The following AMY2A variants were observed in gnomAD, a reference collection of about 807,000 sequenced individuals.
AMY2A encodes pancreatic alpha-amylase.
In AMY2A, 16 loss-of-function variants were observed where a neutral mutation model predicts 43.0. That is an observed-to-expected ratio of 0.37 (90% CI 0.25 to 0.56). The LOEUF (loss-of-function observed/expected upper bound fraction) is 0.56, where lower values mean the gene tolerates loss of function less well. AMY2A is among the 20% of genes least tolerant of loss of function. The pLI is 0.77. For synonymous variants in AMY2A, 70 were observed against 144.6 expected (o/e 0.48, Z 3.70); for missense variants, 212 against 456.8 (o/e 0.46, Z 4.89).
chr1:103,619,378 T>A (rs1462859271), intron 3 of AMY2A, among the ~76,000 whole-genome samples, 176 bp from the exon 4 acceptor site: 3 of 150,724 alleles, frequency 2.0e-5, no homozygotes, highest in South Asian at 4.2e-4. Context: ...CTATTTTCTA[T>A]TAGAAAATAT....
In AMY2A at chr1:103,623,718, G is replaced by C. The variant is rs1441896316; in HGVS notation, c.1102-148G>C. 6.0e-6 allele frequency: 6 copies of C among 998,170 alleles called. No individual in the cohort carries two copies. In the Admixed American group the frequency reaches 1.1e-4, roughly 19 times the overall value. 61.8% of individuals were successfully genotyped at this position (998,170 alleles called of 1,614,324 possible). ...AGAGATGATGAAGACCCAGTAAAGGGCTATAAACATTAATGAAGGCATTGG... is the reference window on the plus strand; with the variant it reads ...AGAGATGATGAAGACCCAGTAAAGGCCTATAAACATTAATGAAGGCATTGG... On this transcript the variant is annotated intron_variant, in intron 7 of 9. Transcript: ENST00000414303.
chr1:103,617,291 T>C, upstream of AMY2A: 2 of 1,435,098 alleles, frequency 1.4e-6, no homozygotes, highest in Non-Finnish European at 1.9e-6. Flanking sequence ...GTTCTTTACC[T>C]GTTAGGATTA....
chr1:103,617,713 G>C, intron 1 of AMY2A, 105 bp downstream of exon 1: 1 of 1,578,604 alleles, frequency 6.3e-7, no homozygotes, highest in East Asian at 2.2e-5. Context: ...TCACAGGTAA[G>C]TATTCTAAGT....
chr1:103,618,004 G>T lies in AMY2A; in HGVS notation c.219G>T (p.Trp73Cys). Residue 73 changes from tryptophan to cysteine, a missense_variant, in exon 2 of 10, where the codon TGG (tryptophan) becomes TGT (cysteine). Around this residue, in one of 2 missense-constraint regions of AMY2A, gnomAD observed 199 missense variants for 210.6 expected, o/e 0.94. Coordinates refer to ENST00000414303, the MANE Select transcript of AMY2A (RefSeq NM_000699.4). ...NVAIYNPFRPWWERYQPVSYK... is the reference protein window; with the variant it reads ...NVAIYNPFRPCWERYQPVSYK... Reference sequence around the variant, plus strand: ...CAATTTACAACCCTTTCAGACCTTGGTGGGAAAGATACCAACCAGTTAGCT... The same window carrying T: ...CAATTTACAACCCTTTCAGACCTTGTTGGGAAAGATACCAACCAGTTAGCT... 1 of 1,600,532 alleles carries T rather than the reference G, an allele frequency of 6.2e-7. No homozygotes were observed.
In AMY2A at chr1:103,618,915, G is replaced by A. The variant is rs543952790; in HGVS notation, c.320G>A (p.Arg107His). 93 of 1,219,236 alleles carry A rather than the reference G, an allele frequency of 7.6e-5. 2 individuals are homozygous for A. The highest frequency in any genetic ancestry group is 6.5e-4 in the East Asian group (26 of 39,932). The allele number at this position is 1,219,236 out of a possible 1,614,324, so 75.5% of individuals were successfully genotyped here. A position where few individuals can be genotyped will look rare whatever the true frequency, so the allele number is the denominator to read the frequency against. ...AGTAGAAACTTTGTTTTCTAGGTTC[G>A]TATTTATGTGGATGCTGTAATTAAT... ...MVTRCNNVGVRIYVDAVINHM... is the reference protein window; with the variant it reads ...MVTRCNNVGVHIYVDAVINHM... The change falls in exon 3 of 10, where the codon CGT becomes CAT. Residue 107 changes from arginine (R) to histidine (H), a missense_variant. By Grantham distance (29) the Arg-to-His change is conservative. Transcript: ENST00000414303.
chr1:103,617,294 T>C (rs1653103246), upstream of AMY2A: 1 of 1,441,092 alleles, frequency 6.9e-7, no homozygotes, highest in Admixed American at 2.1e-5. Flanking sequence ...CTTTACCTGT[T>C]AGGATTATTA....
chr1:103,617,572 G>A lies in AMY2A; in HGVS notation c.132G>A (p.Glu44=). The part of the protein sequence containing the change: ...WRWVDIALEC[E]RYLAPKGFGG... ...GGGTTGATATTGCTCTTGAATGTGAGCGATATTTAGCTCCGAAGGGATTTG... is the reference window on the plus strand; with the variant it reads ...GGGTTGATATTGCTCTTGAATGTGAACGATATTTAGCTCCGAAGGGATTTG... The change falls in exon 1 of 10, where the codon GAG becomes GAA. Residue 44 remains glutamate (E), a synonymous_variant. Transcript: ENST00000414303. 2 of 1,600,906 alleles carry A rather than the reference G, an allele frequency of 1.2e-6. No individual in the cohort carries two copies. The highest frequency in any genetic ancestry group is 1.7e-6 in the Non-Finnish European group (2 of 1,170,884).
rs1246204154 is a variant in AMY2A at position 103,619,366 on chromosome 1, C to G, written c.514-188C>G. 2.0e-5 allele frequency among the ~76,000 whole-genome samples: 3 copies of G among 150,576 alleles called. No individual in the cohort carries two copies. The East Asian group carries it at 5.8e-4, about 29-fold the overall frequency. ...TCTCATCGACTTTATTTCCTAAATT[C>G]TCTATTTTCTATTAGAAAATATTTC... On this transcript the variant is annotated intron_variant, in intron 3 of 9. Coordinates refer to ENST00000414303, the MANE Select transcript of AMY2A (RefSeq NM_000699.4).
In AMY2A at chr1:103,618,070, A is replaced by G. The variant is rs201971373; in HGVS notation, c.285A>G (p.Arg95=). Residue 95 remains arginine, a synonymous_variant, in exon 2 of 10, where the codon AGA becomes AGG. Coordinates refer to ENST00000414303, the MANE Select transcript of AMY2A (RefSeq NM_000699.4). ...CTRSGNEDEF[R]NMVTRCNNVG... ...GATCTGGAAATGAAGATGAATTTAGAAACATGGTGACTAGATGTAACAATG... is the reference window on the plus strand; with the variant it reads ...GATCTGGAAATGAAGATGAATTTAGGAACATGGTGACTAGATGTAACAATG... The G allele has an allele frequency of 2.5e-5, 40 of 1,600,520 alleles. 4 individuals carry two copies. Among genetic ancestry groups the G allele is most frequent in the African/African-American group, 4.0e-5 (3 of 74,776 alleles).
rs530106569 is a variant in AMY2A, at chr1:103,617,515, G to A, written c.75G>A (p.Arg25=). The A allele has an allele frequency of 4.1e-5, 66 of 1,600,770 alleles. 5 individuals carry two copies. The highest frequency in any genetic ancestry group is 5.2e-5 in the Non-Finnish European group (61 of 1,170,802). ...ATTCCCCAAATACACAACAAGGACG[G>A]ACATCTATTGTTCATCTGTTTGAAT... is the stretch of plus-strand genomic sequence containing the variant. ...AQYSPNTQQG[R]TSIVHLFEWR... Residue 25 remains arginine (R), a synonymous_variant, in exon 1 of 10, where the codon CGG becomes CGA. Transcript: ENST00000414303.
At chr1:103,617,635 C>A (rs138672248) in intron 1 of AMY2A, 27 bp downstream of exon 1, 2 of 1,600,688 alleles carry the variant, frequency 1.2e-6, no homozygotes, top group East Asian at 2.2e-5. Context: ...GTATCAATTG[C>A]GGAATTCACT....
Position 103,618,991 on chromosome 1 carries a change from T to C in AMY2A, c.396T>C (p.Ser132=). 7.2e-7 allele frequency: 1 copy of C among 1,387,674 alleles called. No individual in the cohort carries two copies. The highest frequency in any genetic ancestry group is 9.7e-7 in the Non-Finnish European group (1 of 1,026,306). 86.0% of individuals were successfully genotyped at this position (1,387,674 alleles called of 1,614,324 possible). A position where few individuals can be genotyped will look rare whatever the true frequency, so the allele number is the denominator to read the frequency against. The stretch of plus-strand genomic sequence containing the variant: ...CAGGAACAAGCAGTACCTGTGGAAG[T>C]TACTTCAACCCTGGAAGTAGGGACT... ...VSAGTSSTCG[S]YFNPGSRDFP... is the part of the protein sequence containing the mutation. The change falls in exon 3 of 10, where the codon AGT becomes AGC. Residue 132 remains serine (S), a synonymous_variant. Coordinates refer to ENST00000414303, the MANE Select transcript of AMY2A (RefSeq NM_000699.4).
rs1416018703 is a variant in AMY2A, at chr1:103,617,612, G to T, written c.168+4G>T. 6.2e-7 allele frequency: 1 copy of T among 1,600,738 alleles called. No individual in the cohort carries two copies. Among genetic ancestry groups the T allele is most frequent in the Non-Finnish European group, 8.5e-7 (1 of 1,170,842 alleles). On this transcript the variant is annotated splice_donor_region_variant and intron_variant, in intron 1 of 9. Coordinates refer to ENST00000414303, the MANE Select transcript of AMY2A (RefSeq NM_000699.4). ...GAAGGGATTTGGAGGGGTTCAGGTG[G>T]GTATGATTCATAGTATCAATTGCGG...
Position 103,617,970 on chromosome 1 carries a change from A to T in AMY2A, c.185A>T (p.Glu62Val). 6.2e-7 allele frequency: 1 copy of T among 1,600,708 alleles called. No homozygotes were observed. The highest frequency in any genetic ancestry group is 8.5e-7 in the Non-Finnish European group (1 of 1,170,722). ...FGGVQVSPPN[E>V]NVAIYNPFRP... is the part of the protein sequence containing the mutation. ...AATTTGTAGGTCTCTCCACCAAATG[A>T]AAATGTTGCAATTTACAACCCTTTC... The change falls in exon 2 of 10, where the codon GAA (glutamate) becomes GTA (valine). Residue 62 changes from glutamate (E) to valine (V), a missense_variant. Physicochemically the swap from Glu to Val is moderately radical, Grantham distance 121 (BLOSUM62 -2). This residue lies in a region of AMY2A where 199 missense variants were observed against 210.6 expected (regional missense o/e 0.94). Transcript: ENST00000414303.
chr1:103,618,124 A>G, intron 2 of AMY2A, 24 bp downstream of exon 2: 4 of 1,588,994 alleles, frequency 2.5e-6, no homozygotes, highest in South Asian at 1.1e-5. Context: ...AGTTTCCTTT[A>G]AAAATAACAG....
At chr1:103,617,067 T>A, upstream of AMY2A, 1 of 966,860 alleles carries the variant, frequency 1.0e-6, no homozygotes, top group Non-Finnish European at 1.3e-6. Flanking sequence ...CCTGTAAAAG[T>A]ATTCATCCTT....
In AMY2A at chr1:103,618,252, T is replaced by C. The variant is rs1359892957; in HGVS notation, c.315+152T>C. 4 of 1,333,818 alleles carry C rather than the reference T, an allele frequency of 3.0e-6. 1 individual carries two copies. Among genetic ancestry groups the C allele is most frequent in the Non-Finnish European group, 2.0e-6 (2 of 993,596 alleles). The allele number at this position is 1,333,818 out of a possible 1,614,324, so 82.6% of individuals were successfully genotyped here. On this transcript the variant is annotated intron_variant, in intron 2 of 9. Transcript: ENST00000414303. ...ACTCAAAATTAACTGTTTATTTATG[T>C]TCAACTTTTGTGAATATTTGTGTGT...
rs1570667644 is a variant in AMY2A, at chr1:103,619,034, T to A, written c.439T>A (p.Ser147Thr). Residue 147 changes from serine (S) to threonine (T), a missense_variant, in exon 3 of 10, where the codon TCT (serine) becomes ACT (threonine). By Grantham distance (58) the Ser-to-Thr change is moderately conservative (BLOSUM62 1). Coordinates refer to ENST00000414303, the MANE Select transcript of AMY2A (RefSeq NM_000699.4). ...TAGGGACTTTCCAGCAGTCCCATATTCTGGATGGGATTTCAATGATGGTAA... is the reference window on the plus strand; with the variant it reads ...TAGGGACTTTCCAGCAGTCCCATATACTGGATGGGATTTCAATGATGGTAA... The part of the protein sequence containing the change: ...GSRDFPAVPY[S>T]GWDFNDGKCK... The A allele has an allele frequency of 7.7e-7, 1 of 1,296,482 alleles. No homozygotes were observed. Among genetic ancestry groups the A allele is most frequent in the East Asian group, 2.5e-5 (1 of 40,470 alleles). The allele number at this position is 1,296,482 out of a possible 1,614,324, so 80.3% of individuals were successfully genotyped here.
chr1:103,617,458 G>C lies in AMY2A; in HGVS notation c.18G>C (p.Leu6Phe), dbSNP rs768137304. 1 of 1,600,194 alleles carries C rather than the reference G, an allele frequency of 6.2e-7. No homozygotes were observed. Among genetic ancestry groups the C allele is most frequent in the South Asian group, 1.1e-5 (1 of 90,844 alleles). ...AAAGCAAAATGAAGTTCTTTCTGTT[G>C]CTTTTCACCATTGGGTTCTGCTGGG... is the stretch of plus-strand genomic sequence containing the variant. MKFFL[L>F]LFTIGFCWAQ... The change falls in exon 1 of 10, where the codon TTG becomes TTC. Residue 6 changes from leucine to phenylalanine, a missense_variant. Leu to Phe is a conservative substitution (Grantham distance 22). This residue lies in a region of AMY2A where 199 missense variants were observed against 210.6 expected (regional missense o/e 0.94). Transcript: ENST00000414303.
Sources: gnomAD v4.1 joint callset for allele counts (sites outside exome capture counted in the v4.1 genomes callset) on GRCh38, gnomAD v4.1.1 for gene constraint, gnomAD v4.1.1 regional missense constraint, MANE v1.5 for transcripts, NCBI Gene and HGNC (gene_info 2026-07-23, HGNC 2026-07-21) for gene names.